PLXNC1: variants seen among roughly 807,000 people sequenced by gnomAD.
PLXNC1 encodes the protein plexin-C1.
Under a neutral mutation model 178.2 loss-of-function variants are expected in PLXNC1, and 75 were observed. The ratio of observed to expected loss-of-function variants is 0.42; its 90% CI spans 0.35 to 0.51. PLXNC1 has a LOEUF of 0.51. Among genes scored for constraint, PLXNC1 ranks in the 20% least tolerant of loss-of-function variants. The pLI, the probability that PLXNC1 is intolerant of heterozygous loss-of-function variation, is 0.02. For synonymous variants in PLXNC1, 790 were observed against 779.9 expected (o/e 1.01, Z -0.22); for missense variants, 1,503 against 1,984.4 (o/e 0.76, Z 4.61).
intron 4 of PLXNC1, among the ~76,000 whole-genome samples, chr12:94,202,334 C>T (rs1963162086): frequency 6.6e-6 from 1 of 152,202 alleles, no homozygotes; most frequent in Non-Finnish European, 1.5e-5. Context: ...TGTTTGGCAT[C>T]TGATGGGCTC....
At chr12:94,232,509 A>G (rs1488494919) in intron 9 of PLXNC1, among the ~76,000 whole-genome samples, 1 of 152,208 alleles carries the variant, frequency 6.6e-6, no homozygotes, top group Admixed American at 6.5e-5. Context: ...AGTAGCTTCT[A>G]TGGGCCTAGC....
intron 4 of PLXNC1, among the ~76,000 whole-genome samples, chr12:94,195,237 T>A (rs577086592): frequency 1.2e-4 from 18 of 152,268 alleles, no homozygotes; most frequent in Middle Eastern, 6.8e-3. Flanking sequence ...ATGAACCACG[T>A]TAATCCAAGT....
intron 12 of PLXNC1, among the ~76,000 whole-genome samples, chr12:94,247,451 T>C (rs114659689): frequency 0.03 from 4,636 of 152,302 alleles, 113 homozygotes; most frequent in East Asian, 0.11. Context: ...CTTCAGGAGC[T>C]GGCCCTTGCT....
intron 4 of PLXNC1, among the ~76,000 whole-genome samples, chr12:94,201,881 C>T (rs1841959484): frequency 6.6e-6 from 1 of 150,512 alleles, no homozygotes; most frequent in African/African-American, 2.5e-5. Flanking sequence ...ATTCTCGTGC[C>T]TCAGCTTCCC....
chr12:94,244,100 G>T, intron 12 of PLXNC1, 75 bp downstream of exon 12: 1 of 808,250 alleles, frequency 1.2e-6, no homozygotes, highest in Admixed American at 2.3e-5. Context: ...TGCTATGTTG[G>T]GGGTATTTTT....
At chr12:94,181,258 T>A (rs1962293066) in intron 2 of PLXNC1, among the ~76,000 whole-genome samples, 188 bp from the exon 3 acceptor site, 1 of 151,832 alleles carries the variant, frequency 6.6e-6, no homozygotes, top group Non-Finnish European at 1.5e-5. Context: ...CTGGGTGTGG[T>A]GCATCTATAG....
rs1169621727 is a variant in PLXNC1, at chr12:94,240,479, T to G, written c.2121-6T>G. The stretch of plus-strand genomic sequence containing the variant: ...ATGTGAGAGTTCTTTTTCTACTCTT[T>G]TCTAGGATACAGGTTAGCCATGTGC... On this transcript the variant is annotated splice_region_variant and splice_polypyrimidine_tract_variant and intron_variant, in intron 10 of 30. Transcript: ENST00000258526. 2 of 1,610,192 alleles carry G rather than the reference T, an allele frequency of 1.2e-6. No individual in the cohort carries two copies. Among genetic ancestry groups the G allele is most frequent in the Admixed American group, 3.4e-5 (2 of 59,598 alleles).
At chr12:94,181,612 T>G (rs1231275870) in intron 3 of PLXNC1, 32 bp downstream of exon 3, 1 of 1,558,524 alleles carries the variant, frequency 6.4e-7, no homozygotes, top group African/African-American at 1.4e-5. Context: ...TGCTTCTGAT[T>G]TATGAATAAA....
intron 1 of PLXNC1, among the ~76,000 whole-genome samples, chr12:94,163,509 G>C (rs776118092): frequency 1.3e-5 from 2 of 152,178 alleles, no homozygotes; most frequent in Non-Finnish European, 2.9e-5. Context: ...TTGTGGGGGT[G>C]GGGAAGGGAC....
chr12:94,177,830 T>C (rs1962159691), intron 2 of PLXNC1, among the ~76,000 whole-genome samples: 1 of 152,210 alleles, frequency 6.6e-6, no homozygotes, highest in East Asian at 1.9e-4. Context: ...TGAGTGGTGG[T>C]GTAAAGTATG....
intron 1 of PLXNC1, chr12:94,168,247 T>G (rs1345011850): frequency 6.6e-6 from 1 of 152,228 alleles, no homozygotes; most frequent in Admixed American, 6.5e-5. Flanking sequence ...GTTCAGTAGC[T>G]GCAGACGGCA....
In PLXNC1 at chr12:94,149,362, CG is replaced by C. The variant is rs1242142631; in HGVS notation, c.395del (p.Gly132AlafsTer11). The C allele has an allele frequency of 7.0e-7, 1 of 1,427,742 alleles. No homozygotes were observed. The highest frequency in any genetic ancestry group is 2.8e-5 in the East Asian group (1 of 35,238). The allele number at this position is 1,427,742 out of a possible 1,614,324, so 88.4% of individuals were successfully genotyped here. On this transcript the variant is annotated frameshift_variant, in exon 1 of 31. Transcript: ENST00000258526. LOFTEE classifies it high-confidence loss of function. The part of the protein sequence containing the change: ...GLLLTGWTFD[R>X]GACEVRPLGN... ...GCTGCTCACCGGCTGGACCTTCGAC[CG>C]GGGCGCCTGCGAGGTGCGGCCCCTG...
At chr12:94,197,364 T>C (rs894580045) in intron 4 of PLXNC1, among the ~76,000 whole-genome samples, 1 of 150,846 alleles carries the variant, frequency 6.6e-6, no homozygotes, top group African/African-American at 2.4e-5. Context: ...ATCACAGGAG[T>C]GGGTTAGTTA....
Position 94,259,506 on chromosome 12 carries a change from A to G in PLXNC1, c.3127-104A>G, listed in dbSNP as rs1964938367. On this transcript the variant is annotated intron_variant, in intron 18 of 30. Transcript: ENST00000258526. ...GTTTTTTTTGGATCATGAATTCAAT[A>G]TTGAATAATTCATTGTCTTGGAAAA... The G allele has an allele frequency of 3.5e-6, 4 of 1,150,454 alleles. No individual in the cohort carries two copies. The South Asian group carries it at 6.4e-5, about 18-fold the overall frequency. 71.3% of individuals were successfully genotyped at this position (1,150,454 alleles called of 1,614,324 possible).
chr12:94,227,784 T>A (rs1963987031), intron 9 of PLXNC1, among the ~76,000 whole-genome samples: 1 of 152,222 alleles, frequency 6.6e-6, no homozygotes, highest in South Asian at 2.1e-4. Flanking sequence ...GTTATTTTCT[T>A]CATAGTAAAT....
Position 94,305,185 on chromosome 12 carries a change from T to C in PLXNC1, c.4607T>C (p.Leu1536Pro). 1 of 1,598,010 alleles carries C rather than the reference T, an allele frequency of 6.3e-7. No individual in the cohort carries two copies. Among genetic ancestry groups the C allele is most frequent in the Non-Finnish European group, 8.6e-7 (1 of 1,167,410 alleles). ...AACTGTTCTAATTGTCAACAGATTC[T>C]AAATAAACTAGAAAGAGAACGAGGG... ...KYIVKYFDEILNKLERERGLE... is the reference protein window; with the variant it reads ...KYIVKYFDEIPNKLERERGLE... The change falls in exon 31 of 31, where the codon CTA becomes CCA. Residue 1536 changes from leucine to proline, a missense_variant. By Grantham distance (98) the Leu-to-Pro change is moderately conservative. Transcript: ENST00000258526.
intron 23 of PLXNC1, among the ~76,000 whole-genome samples, chr12:94,292,679 C>T (rs1967460985): frequency 6.6e-6 from 1 of 152,196 alleles, no homozygotes. Context: ...GTTTCATATA[C>T]ACCTTGTACA....
intron 4 of PLXNC1, among the ~76,000 whole-genome samples, chr12:94,189,316 A>G (rs1236057031): frequency 5.9e-5 from 9 of 152,158 alleles, no homozygotes; most frequent in Non-Finnish European, 2.9e-5. Context: ...AAGGAGGGAA[A>G]TAAGGACCTG....
intron 2 of PLXNC1, among the ~76,000 whole-genome samples, chr12:94,177,160 TGTATATATATATATAC>T (rs1962096243): frequency 2.2e-5 from 1 of 44,638 alleles, no homozygotes; most frequent in Non-Finnish European, 3.7e-5. Context: ...TATATATATA[TGTATATATATATATAC>T]GTATATATAT....
Sources: allele counts gnomAD v4.1 joint callset (sites outside exome capture counted in the v4.1 genomes callset), GRCh38; gene constraint gnomAD v4.1.1; transcripts MANE v1.5; gene names NCBI Gene and HGNC (gene_info 2026-07-23, HGNC 2026-07-21).